Variants in CT47B1 observed in about 807,000 individuals in gnomAD.
The protein encoded by CT47B1 is cancer/testis CT47 family, member 13.
Under a neutral mutation model 12.8 loss-of-function variants are expected in CT47B1, and 24 were observed. The observed-to-expected ratio is 1.87, with a 90% CI of 1.36 to 2.63. The LOEUF is 2.63. Among genes scored for constraint, CT47B1 ranks in the 30% most tolerant of loss-of-function variants. The pLI, the probability that CT47B1 is intolerant of heterozygous loss-of-function variation, is 0.00. For synonymous variants in CT47B1, 228 were observed against 133.3 expected (o/e 1.71, Z -4.89); for missense variants, 523 against 271.3 (o/e 1.93, Z -6.52).
Position 120,875,451 on chromosome X carries a change from C to T in CT47B1, c.220G>A (p.Ala74Thr), listed in dbSNP as rs775574378. 9.4e-5 allele frequency: 113 copies of T among 1,204,712 alleles called. No homozygotes were observed. The East Asian group carries it at 1.1e-3, about 12-fold the overall frequency. Residue 74 changes from alanine (A) to threonine (T), a missense_variant, in exon 1 of 3, where the codon GCA becomes ACA. Ala to Thr is a moderately conservative substitution (Grantham distance 58). Coordinates refer to ENST00000371311, the MANE Select transcript of CT47B1 (RefSeq NM_001145718.3). ...EEGEQAAGLAAVPQGGSAEED... is the reference protein window; with the variant it reads ...EEGEQAAGLATVPQGGSAEED... ...TCGGCGCTCCCGCCCTGGGGGACTG[C>T]GGCCAGGCCTGCCGCCTGCTCACCC...
Position 120,875,611 on chromosome X carries a change from C to A in CT47B1, c.60G>T (p.Gln20His). ...TQGDQEAPVS[Q>H]EGAQAEAAGA... ...CGGCCGCCTCGGCCTGTGCTCCCTC[C>A]TGGCTTACCGGGGCCTCCTGGTCCC... The change falls in exon 1 of 3, where the codon CAG becomes CAT. Residue 20 changes from glutamine (Q) to histidine (H), a missense_variant. By Grantham distance (24) the Gln-to-His change is conservative. Coordinates refer to ENST00000371311, the MANE Select transcript of CT47B1 (RefSeq NM_001145718.3). The A allele has an allele frequency of 9.1e-7, 1 of 1,095,255 alleles. No homozygotes were observed. Among genetic ancestry groups the A allele is most frequent in the Non-Finnish European group, 1.2e-6 (1 of 835,445 alleles). The allele number at this position is 1,095,255 out of a possible 1,213,427, so 90.3% of individuals were successfully genotyped here. A position where few individuals can be genotyped will look rare whatever the true frequency, so the allele number is the denominator to read the frequency against.
Position 120,872,638 on chromosome X carries a change from G to C in CT47B1, c.*134C>G, listed in dbSNP as rs185912050. 4.5e-5 allele frequency: 5 copies of C among 111,901 alleles called. No individual in the cohort carries two copies. Among genetic ancestry groups the C allele is most frequent in the African/African-American group, 1.6e-4 (5 of 30,846 alleles). 9.2% of individuals were successfully genotyped at this position (111,901 alleles called of 1,213,427 possible). A position where few individuals can be genotyped will look rare whatever the true frequency, so the allele number is the denominator to read the frequency against. On this transcript the variant is annotated 3_prime_UTR_variant, in exon 3 of 3. Transcript: ENST00000371311. Reference sequence around the variant, plus strand: ...GAAAACAAACTTTTATTTTTAACTTGAACAAACACTGTCACATACATCCAT... The same window carrying C: ...GAAAACAAACTTTTATTTTTAACTTCAACAAACACTGTCACATACATCCAT...
Position 120,874,929 on chromosome X carries a change from C to G in CT47B1, c.742G>C (p.Glu248Gln), listed in dbSNP as rs1031965070. 2.5e-6 allele frequency: 3 copies of G among 1,208,565 alleles called. No individual in the cohort carries two copies. The highest frequency in any genetic ancestry group is 2.2e-6 in the Non-Finnish European group (2 of 894,502). ...GCCACGGCCTCCTCTGAGGTCGGTT[C>G]CTCTGCGGCCGGTTCCTCTGTGGCC... The part of the protein sequence containing the change: ...EEATEEPAAE[E>Q]PTSEEAVAPE... The change falls in exon 1 of 3, where the codon GAA becomes CAA. Residue 248 changes from glutamate (E) to glutamine (Q), a missense_variant. Transcript: ENST00000371311.
In CT47B1 at chrX:120,874,880, C is replaced by G; in HGVS notation, c.775+16G>C. The G allele has an allele frequency of 1.7e-6, 2 of 1,207,109 alleles. No homozygotes were observed. On this transcript the variant is annotated intron_variant, in intron 1 of 2. Coordinates refer to ENST00000371311, the MANE Select transcript of CT47B1 (RefSeq NM_001145718.3). ...ATGGATCCCCGCTTCCCCGCTGCTG[C>G]CGCTAGCCCCCTTACCCTCGGGGGC...
Position 120,872,717 on chromosome X carries a change from A to T in CT47B1, c.*55T>A. ...TTGATGTAACGAACTTTGGAATGAT[A>T]TGTGTTACAATTCCCACAGGCATCT... On this transcript the variant is annotated 3_prime_UTR_variant, in exon 3 of 3. Transcript: ENST00000371311. 9.4e-6 allele frequency: 1 copy of T among 106,828 alleles called. No individual in the cohort carries two copies. The highest frequency in any genetic ancestry group is 2.0e-5 in the Non-Finnish European group (1 of 49,729). 8.8% of individuals were successfully genotyped at this position (106,828 alleles called of 1,213,427 possible). A position where few individuals can be genotyped will look rare whatever the true frequency, so the allele number is the denominator to read the frequency against.
chrX:120,874,570 A>G (rs1259907963), intron 1 of CT47B1, among the ~76,000 whole-genome samples: 1 of 110,593 alleles, frequency 9.0e-6, no homozygotes, highest in Non-Finnish European at 1.9e-5. Flanking sequence ...TTTCCTGCGG[A>G]GCTCCCTCCT....
chrX:120,874,146 G>A (rs1200844242), intron 1 of CT47B1, 126 bp from the exon 2 acceptor site: 1 of 532,171 alleles, frequency 1.9e-6, no homozygotes, highest in East Asian at 7.4e-5. Context: ...AAGTAAGAAA[G>A]GAATAGCTGG....
Position 120,875,428 on chromosome X carries a change from G to C in CT47B1, c.243C>G (p.Ala81=), listed in dbSNP as rs190002464. Residue 81 remains alanine, a synonymous_variant, in exon 1 of 3, where the codon GCC becomes GCG. Transcript: ENST00000371311. ...GLAAVPQGGS[A]EEDSDIGPAT... ...CGGGCCCGATATCTGAGTCCTCCTC[G>C]GCGCTCCCGCCCTGGGGGACTGCGG... is the stretch of plus-strand genomic sequence containing the variant. 1.8e-4 allele frequency: 216 copies of C among 1,206,435 alleles called. 2 individuals carry two copies. In the Middle Eastern group the frequency reaches 2.7e-3, roughly 15 times the overall value.
At position 120,875,409 on chromosome X, in the gene CT47B1, C is replaced by G. The variant is rs200243472; in HGVS notation, c.262G>C (p.Gly88Arg). Residue 88 changes from glycine (G) to arginine (R), a missense_variant, in exon 1 of 3, where the codon GGG becomes CGG. Gly to Arg is a moderately radical substitution (Grantham distance 125, BLOSUM62 -2). Transcript: ENST00000371311. ...TCCTCCTCTTCCTCCGTCGCGGGCCCGATATCTGAGTCCTCCTCGGCGCTC... is the reference window on the plus strand; with the variant it reads ...TCCTCCTCTTCCTCCGTCGCGGGCCGGATATCTGAGTCCTCCTCGGCGCTC... ...GGSAEEDSDI[G>R]PATEEEEEEE... The G allele has an allele frequency of 8.9e-5, 107 of 1,207,479 alleles. No homozygotes were observed. Among genetic ancestry groups the G allele is most frequent in the African/African-American group, 5.9e-4 (34 of 57,510 alleles).
Position 120,874,024 on chromosome X carries a change from T to C in CT47B1, c.776-4A>G. 2.3e-6 allele frequency: 1 copy of C among 442,109 alleles called. No individual in the cohort carries two copies. The highest frequency in any genetic ancestry group is 3.1e-5 in the African/African-American group (1 of 32,165). The allele number at this position is 442,109 out of a possible 1,213,427, so 36.4% of individuals were successfully genotyped here. The stretch of plus-strand genomic sequence containing the variant: ...TCGGGCTGAGATTTAGTGACTTCTT[T>C]AGGGAAGAATAATACACACATGGGG... On this transcript the variant is annotated splice_polypyrimidine_tract_variant and splice_region_variant and intron_variant, in intron 1 of 2. Transcript: ENST00000371311.
chrX:120,875,129 G>T lies in CT47B1; in HGVS notation c.542C>A (p.Ala181Asp), dbSNP rs773465384. 8.3e-7 allele frequency: 1 copy of T among 1,209,219 alleles called. No individual in the cohort carries two copies. Among genetic ancestry groups the T allele is most frequent in the Non-Finnish European group, 1.1e-6 (1 of 894,537 alleles). The change falls in exon 1 of 3, where the codon GCC (alanine) becomes GAC (aspartate). Residue 181 changes from alanine (A) to aspartate (D), a missense_variant. Physicochemically the swap from Ala to Asp is moderately radical, Grantham distance 126. Coordinates refer to ENST00000371311, the MANE Select transcript of CT47B1 (RefSeq NM_001145718.3). ...CAGGCCGAGGCCCTCGCCTTCTGGG[G>T]CTGCAGCCCCTGCACCCAGCCTCTG... The part of the protein sequence containing the change: ...LSQRLGAGAA[A>D]PEGEGLGLIQ...
In CT47B1 at chrX:120,874,931, T is replaced by C; in HGVS notation, c.740A>G (p.Glu247Gly). 8 of 1,210,061 alleles carry C rather than the reference T, an allele frequency of 6.6e-6. No individual in the cohort carries two copies. The highest frequency in any genetic ancestry group is 8.9e-6 in the Non-Finnish European group (8 of 894,757). Residue 247 changes from glutamate (E) to glycine (G), a missense_variant, in exon 1 of 3, where the codon GAG (glutamate) becomes GGG (glycine). Glu to Gly is a moderately conservative substitution (Grantham distance 98). Transcript: ENST00000371311. ...TEEATEEPAA[E>G]EPTSEEAVAP... ...CACGGCCTCCTCTGAGGTCGGTTCC[T>C]CTGCGGCCGGTTCCTCTGTGGCCTC...
intron 1 of CT47B1, among the ~76,000 whole-genome samples, chrX:120,874,687 A>T (rs1241385126): frequency 9.0e-6 from 1 of 110,543 alleles, no homozygotes; most frequent in Non-Finnish European, 1.9e-5. Flanking sequence ...TTTTCTCAAA[A>T]CCATAGATGT....
In CT47B1 at chrX:120,875,187, G is replaced by A. The variant is rs748349107; in HGVS notation, c.484C>T (p.Leu162Phe). ...AGCAGCAGGGGAGGGTTGTCCCAGAGGTTGGGCACAGCAGCGTGGGGCCCC... is the reference window on the plus strand; with the variant it reads ...AGCAGCAGGGGAGGGTTGTCCCAGAAGTTGGGCACAGCAGCGTGGGGCCCC... ...MVGPHAAVPN[L>F]WDNPPLLLLS... The change falls in exon 1 of 3, where the codon CTC becomes TTC. Residue 162 changes from leucine to phenylalanine, a missense_variant. Leu to Phe is a conservative substitution (Grantham distance 22). Transcript: ENST00000371311. The A allele has an allele frequency of 3.3e-6, 4 of 1,211,377 alleles. No individual in the cohort carries two copies. Among genetic ancestry groups the A allele is most frequent in the East Asian group, 5.9e-5 (2 of 33,841 alleles).
chrX:120,875,302 C>G lies in CT47B1; in HGVS notation c.369G>C (p.Val123=). 2 of 1,211,342 alleles carry G rather than the reference C, an allele frequency of 1.7e-6. No homozygotes were observed. Among genetic ancestry groups the G allele is most frequent in the Non-Finnish European group, 2.2e-6 (2 of 894,911 alleles). ...GAAGGGAGTGGACCAGGTACAGGAACACGAAGCCAATGCCCGCCGCCGGGT... is the reference window on the plus strand; with the variant it reads ...GAAGGGAGTGGACCAGGTACAGGAAGACGAAGCCAATGCCCGCCGCCGGGT... ...RRYPAAGIGF[V]FLYLVHSLLR... Residue 123 remains valine (V), a synonymous_variant, in exon 1 of 3, where the codon GTG becomes GTC. Transcript: ENST00000371311.
chrX:120,875,035 G>A lies in CT47B1; in HGVS notation c.636C>T (p.Ala212=). The A allele has an allele frequency of 3.3e-6, 4 of 1,209,555 alleles. No homozygotes were observed. Among genetic ancestry groups the A allele is most frequent in the South Asian group, 1.8e-5 (1 of 56,912 alleles). Residue 212 remains alanine, a synonymous_variant, in exon 1 of 3, where the codon GCC becomes GCT. Coordinates refer to ENST00000371311, the MANE Select transcript of CT47B1 (RefSeq NM_001145718.3). The stretch of plus-strand genomic sequence containing the variant: ...CCTCCGCGGGCTCCCTGGCCATCTC[G>A]GCCAGGTCAGCTGGCACTGCAGGCT... The part of the protein sequence containing the change: ...VPEPAVPADL[A]EMAREPAEEA...
At chrX:120,874,812 C>G (rs1923874285) in intron 1 of CT47B1, 84 bp downstream of exon 1, 1 of 1,150,571 alleles carries the variant, frequency 8.7e-7, no homozygotes, top group African/African-American at 1.8e-5. Flanking sequence ...CCCGCTTCAC[C>G]AGCTGTGCCC....
In CT47B1 at chrX:120,875,792, T is replaced by C; in HGVS notation, c.-122A>G. On this transcript the variant is annotated 5_prime_UTR_variant, in exon 1 of 3. Transcript: ENST00000371311. The stretch of plus-strand genomic sequence containing the variant: ...GAGCTGGCCGCTGAGGGAATAAGAG[T>C]CTTTCTCTTTATTGAGGAAATAAGA... 1 of 652,429 alleles carries C rather than the reference T, an allele frequency of 1.5e-6. No individual in the cohort carries two copies. The highest frequency in any genetic ancestry group is 3.8e-5 in the East Asian group (1 of 26,372). 53.8% of individuals were successfully genotyped at this position (652,429 alleles called of 1,213,427 possible). A position where few individuals can be genotyped will look rare whatever the true frequency, so the allele number is the denominator to read the frequency against.
At chrX:120,872,847 C>A (rs759065411) in intron 2 of CT47B1, 107 bp from the exon 3 acceptor site, 1 of 101,648 alleles carries the variant, frequency 9.8e-6, no homozygotes, top group African/African-American at 3.3e-5. Flanking sequence ...GCACCAGTGA[C>A]TTTCTAAATA....
Sources: gnomAD v4.1 joint callset for allele counts (sites outside exome capture counted in the v4.1 genomes callset) on GRCh38, gnomAD v4.1.1 for gene constraint, MANE v1.5 for transcripts, NCBI Gene and HGNC (gene_info 2026-07-23, HGNC 2026-07-21) for gene names.